Variants in ANO3 observed in about 807,000 individuals in gnomAD.
The protein encoded by ANO3 is anoctamin-3.
Under a neutral mutation model 144.8 loss-of-function variants are expected in ANO3, and 99 were observed. The observed-to-expected ratio is 0.68, with a 90% CI of 0.58 to 0.81. ANO3 has a LOEUF of 0.81. ANO3 is among the 30% of genes least tolerant of loss of function. The pLI, the probability that ANO3 is intolerant of heterozygous loss-of-function variation, is 0.00. For synonymous variants in ANO3, 414 were observed against 392.6 expected (o/e 1.05, Z -0.64); for missense variants, 905 against 1,202.2 (o/e 0.75, Z 3.66).
At chr11:26,567,877 T>C (rs1457447902) in intron 14 of ANO3, among the ~76,000 whole-genome samples, 3 of 151,988 alleles carry the variant, frequency 2.0e-5, no homozygotes, top group Non-Finnish European at 4.4e-5. Context: ...ACAAACATAA[T>C]GCACTGCTTG....
intron 1 of ANO3, among the ~76,000 whole-genome samples, chr11:26,273,136 A>G (rs1253061848): frequency 6.6e-6 from 1 of 152,116 alleles, no homozygotes; most frequent in African/African-American, 2.4e-5. Flanking sequence ...GAAGGCCTGG[A>G]CAATAAGAAC....
At chr11:26,408,004 C>A (rs1857333086) in intron 1 of ANO3, among the ~76,000 whole-genome samples, 1 of 151,930 alleles carries the variant, frequency 6.6e-6, no homozygotes, top group Admixed American at 6.6e-5. Flanking sequence ...CATGTTAGAC[C>A]TAAACCCATA....
chr11:26,461,468 G>A (rs903692818), intron 3 of ANO3, among the ~76,000 whole-genome samples: 4 of 151,690 alleles, frequency 2.6e-5, no homozygotes, highest in South Asian at 2.1e-4. Context: ...TCCTATCTAC[G>A]TATTTTTCTC....
At chr11:26,329,704 G>C (rs1415481617), upstream of ANO3, among the ~76,000 whole-genome samples, 1 of 152,188 alleles carries the variant, frequency 6.6e-6, no homozygotes, top group Non-Finnish European at 1.5e-5. Flanking sequence ...CCTCCTGCTG[G>C]GTTTTGGATC....
intron 1 of ANO3, among the ~76,000 whole-genome samples, chr11:26,206,857 T>C (rs35077459): frequency 0.3 from 45,796 of 151,902 alleles, 7,597 homozygotes; most frequent in Non-Finnish European, 0.37. Flanking sequence ...CAGTTTATTA[T>C]AGGTAATTTC....
chr11:26,517,878 G>A (rs903450840), intron 6 of ANO3, among the ~76,000 whole-genome samples: 4 of 152,088 alleles, frequency 2.6e-5, no homozygotes, highest in East Asian at 3.9e-4. Flanking sequence ...CGTAGGGCTC[G>A]AAAGATGCAA....
intron 1 of ANO3, among the ~76,000 whole-genome samples, chr11:26,270,043 A>T (rs1564942113): frequency 6.6e-6 from 1 of 152,204 alleles, no homozygotes; most frequent in Non-Finnish European, 1.5e-5. Flanking sequence ...GAGGCCTCAG[A>T]AGAACCCAAA....
intron 14 of ANO3, among the ~76,000 whole-genome samples, chr11:26,577,564 CAA>C (rs56856563): frequency 0.46 from 59,807 of 129,734 alleles, 12,633 homozygotes; most frequent in South Asian, 0.63. Flanking sequence ...GACTCCGTCT[CAA>C]AAAAAAAAAA....
At chr11:26,435,727 T>A (rs1454861634) in intron 1 of ANO3, among the ~76,000 whole-genome samples, 1 of 152,250 alleles carries the variant, frequency 6.6e-6, no homozygotes, top group Admixed American at 6.5e-5. Flanking sequence ...AGTGTTTTTT[T>A]CAGCTCTATT....
intron 1 of ANO3, among the ~76,000 whole-genome samples, chr11:26,315,508 G>A (rs1854600860): frequency 6.6e-6 from 1 of 152,092 alleles, no homozygotes; most frequent in Non-Finnish European, 1.5e-5. Flanking sequence ...TCAAATTTAG[G>A]AGAAGTATAA....
chr11:26,542,197 TC>T (rs1192849815), intron 11 of ANO3, 129 bp downstream of exon 11: 1 of 1,002,916 alleles, frequency 1.0e-6, no homozygotes, highest in Non-Finnish European at 1.4e-6. Flanking sequence ...ATAAGATTTT[TC>T]AGTAAAAGAA....
At chr11:26,396,371 T>C (rs919022446) in intron 1 of ANO3, among the ~76,000 whole-genome samples, 2 of 152,170 alleles carry the variant, frequency 1.3e-5, no homozygotes, top group Non-Finnish European at 2.9e-5. Flanking sequence ...CATTTACACT[T>C]AGAAGACAGT....
rs530399606 is a variant in ANO3 at position 26,277,919 on chromosome 11, A to G, written c.155-31726A>G. On this transcript the variant is annotated intron_variant, in intron 1 of 27. Coordinates refer to the ANO3 transcript ENST00000672621. ...TAAAAGATGGGTTTAATATATAAAG[A>G]AGATGTATTGCATTTCCAAGCATGA... Among the ~76,000 whole-genome samples, 598 of 152,174 alleles carry G rather than the reference A, an allele frequency of 3.9e-3. 2 individuals carry two copies. Among genetic ancestry groups the G allele is most frequent in the African/African-American group, 0.014 (567 of 41,526 alleles).
chr11:26,383,307 C>T (rs150206533), intron 1 of ANO3, among the ~76,000 whole-genome samples: 97 of 152,104 alleles, frequency 6.4e-4, no homozygotes, highest in African/African-American at 2.2e-3. Flanking sequence ...TAACCAATAT[C>T]TACTAATATC....
chr11:26,613,987 T>C (rs1852174591), intron 17 of ANO3, among the ~76,000 whole-genome samples: 1 of 152,154 alleles, frequency 6.6e-6, no homozygotes, highest in Non-Finnish European at 1.5e-5. Context: ...TTTGCAAAGT[T>C]CTGTCTGAAG....
chr11:26,194,855 C>G (rs139009428), intron 1 of ANO3, among the ~76,000 whole-genome samples: 12 of 151,950 alleles, frequency 7.9e-5, no homozygotes, highest in Non-Finnish European at 1.6e-4. Flanking sequence ...TGTGAGCCAC[C>G]GTGTCCAGCC....
chr11:26,328,512 T>G (rs1854948641), upstream of ANO3, among the ~76,000 whole-genome samples: 1 of 152,212 alleles, frequency 6.6e-6, no homozygotes, highest in South Asian at 2.1e-4. Context: ...CAGAGCACAA[T>G]ACAGAGAAAC....
At chr11:26,621,656 T>C (rs1852419541) in intron 17 of ANO3, among the ~76,000 whole-genome samples, 2 of 152,326 alleles carry the variant, frequency 1.3e-5, no homozygotes, top group Admixed American at 1.3e-4. Context: ...ATTTGCCATT[T>C]ATCTCTACCC....
chr11:26,607,811 G>T (rs770177626), intron 17 of ANO3, among the ~76,000 whole-genome samples: 4 of 152,174 alleles, frequency 2.6e-5, no homozygotes, highest in Non-Finnish European at 4.4e-5. Context: ...TCTCTAGATT[G>T]GTTATTCTAC....
Sources: gnomAD v4.1 joint callset for allele counts (sites outside exome capture counted in the v4.1 genomes callset) on GRCh38, gnomAD v4.1.1 for gene constraint, MANE v1.5 for transcripts, NCBI Gene and HGNC (gene_info 2026-07-23, HGNC 2026-07-21) for gene names.